Variants in GNG12 observed in about 807,000 individuals in gnomAD.
GNG12 encodes guanine nucleotide-binding protein G(I)/G(S)/G(O) subunit gamma-12.
For synonymous variants in GNG12, 28 were observed against 29.7 expected (o/e 0.94, Z 0.19); for missense variants, 69 against 83.8 (o/e 0.82, Z 0.69).
intron 1 of GNG12, among the ~76,000 whole-genome samples, chr1:67,795,208 C>A (rs190898652): frequency 2.8e-4 from 43 of 152,300 alleles, no homozygotes; most frequent in East Asian, 2.5e-3. Context: ...TAATATCCTG[C>A]AATTTTGACG....
intron 1 of GNG12, among the ~76,000 whole-genome samples, chr1:67,819,721 T>C (rs1557627531): frequency 6.6e-6 from 1 of 152,228 alleles, no homozygotes. Context: ...ATGCATTCAC[T>C]CATTCATTGT....
chr1:67,795,564 C>T (rs777628862), intron 1 of GNG12, among the ~76,000 whole-genome samples: 4 of 152,214 alleles, frequency 2.6e-5, no homozygotes, highest in Non-Finnish European at 4.4e-5. Flanking sequence ...TCTCAGGACT[C>T]TTAATTTAAT....
At chr1:67,789,133 C>T (rs759784225) in intron 1 of GNG12, among the ~76,000 whole-genome samples, 27 of 152,282 alleles carry the variant, frequency 1.8e-4, no homozygotes, top group Non-Finnish European at 3.5e-4. Flanking sequence ...GGCGACATGG[C>T]CTTCGGTCTG....
intron 1 of GNG12, among the ~76,000 whole-genome samples, chr1:67,813,849 G>T (rs188104617): frequency 1.6e-4 from 25 of 152,182 alleles, no homozygotes; most frequent in African/African-American, 6.0e-4. Context: ...AAAATGGCAA[G>T]CATTTATTGA....
chr1:67,774,325 A>G (rs952018685), intron 2 of GNG12, among the ~76,000 whole-genome samples: 1 of 152,170 alleles, frequency 6.6e-6, no homozygotes, highest in Non-Finnish European at 1.5e-5. Flanking sequence ...CCTTCCCCAC[A>G]GATTTCCTCC....
At chr1:67,732,061 C>A (rs1329019281) in intron 2 of GNG12, among the ~76,000 whole-genome samples, 1 of 152,158 alleles carries the variant, frequency 6.6e-6, no homozygotes, top group Non-Finnish European at 1.5e-5. Context: ...AAAAAACACA[C>A]AGGAGTAATA....
chr1:67,813,138 T>C (rs1347636391), intron 1 of GNG12, among the ~76,000 whole-genome samples: 1 of 150,890 alleles, frequency 6.6e-6, no homozygotes, highest in African/African-American at 2.4e-5. Context: ...CTGGGCCCTT[T>C]ATCAAATTAG....
Position 67,728,946 on chromosome 1 carries a change from A to G in GNG12, c.-26-21234T>C, listed in dbSNP as rs138608320. Among the ~76,000 whole-genome samples the G allele has an allele frequency of 5.5e-3, 841 of 152,380 alleles. 5 individuals are homozygous for G. The highest frequency in any genetic ancestry group is 8.4e-3 in the Non-Finnish European group (571 of 68,042). ...GAGAAATACACAGAAAACCTGGAAC[A>G]TAAGTGACAGTTAAGAGGTACCTCT... On this transcript the variant is annotated intron_variant, in intron 2 of 3. Transcript: ENST00000370982.
At chr1:67,711,026 C>G (rs1291479809) in intron 2 of GNG12, among the ~76,000 whole-genome samples, 2 of 152,316 alleles carry the variant, frequency 1.3e-5, no homozygotes, top group African/African-American at 2.4e-5. Flanking sequence ...TCTGCTACCC[C>G]TCTCAGGCTC....
At chr1:67,706,375 G>A (rs1646247456) in intron 3 of GNG12, among the ~76,000 whole-genome samples, 1 of 152,248 alleles carries the variant, frequency 6.6e-6, no homozygotes, top group African/African-American at 2.4e-5. Flanking sequence ...TACTGTTAGA[G>A]ATTGGGCTTG....
At chr1:67,751,102 C>T (rs548653333) in intron 2 of GNG12, among the ~76,000 whole-genome samples, 10 of 152,126 alleles carry the variant, frequency 6.6e-5, no homozygotes, top group African/African-American at 1.9e-4. Flanking sequence ...CAACCATTTA[C>T]ACACATTCAC....
chr1:67,708,883 G>T (rs1219902099), intron 2 of GNG12, among the ~76,000 whole-genome samples: 2 of 152,178 alleles, frequency 1.3e-5, no homozygotes, highest in Admixed American at 1.3e-4. Flanking sequence ...TTTTGGAGAG[G>T]CTACAGCTGA....
Position 67,782,883 on chromosome 1 carries a change from T to C in GNG12, c.-76-5376A>G, listed in dbSNP as rs193118692. Among the ~76,000 whole-genome samples the C allele has an allele frequency of 9.8e-5, 15 of 152,290 alleles. No homozygotes were observed. In the East Asian group the frequency reaches 2.9e-3, roughly 29 times the overall value. On this transcript the variant is annotated intron_variant, in intron 1 of 3. Transcript: ENST00000370982. ...ATTTATTTTTGCATGTTACCTTTGA[T>C]AGAAACATGTGTTTTTATGTTACTA... is the stretch of plus-strand genomic sequence containing the variant.
At chr1:67,707,428 T>A (rs985172807) in intron 3 of GNG12, among the ~76,000 whole-genome samples, 166 bp downstream of exon 3, 2 of 152,172 alleles carry the variant, frequency 1.3e-5, no homozygotes, top group Non-Finnish European at 1.5e-5. Context: ...AGGCCCATGC[T>A]ATATAGGAAA....
At chr1:67,741,783 C>T (rs1646484036) in intron 2 of GNG12, among the ~76,000 whole-genome samples, 1 of 152,158 alleles carries the variant, frequency 6.6e-6, no homozygotes, top group African/African-American at 2.4e-5. Flanking sequence ...TTTTATTTGG[C>T]CTACAGAGAA....
chr1:67,805,558 G>C (rs1363891192), intron 1 of GNG12, among the ~76,000 whole-genome samples: 1 of 152,136 alleles, frequency 6.6e-6, no homozygotes, highest in Non-Finnish European at 1.5e-5. Flanking sequence ...GAACAGGGCT[G>C]AGGAAAGAAT....
At chr1:67,756,565 C>T (rs780904269) in intron 2 of GNG12, among the ~76,000 whole-genome samples, 2 of 152,142 alleles carry the variant, frequency 1.3e-5, no homozygotes, top group Non-Finnish European at 2.9e-5. Flanking sequence ...GTGGGTTTGA[C>T]TTGGAGGCCA....
intron 1 of GNG12, among the ~76,000 whole-genome samples, chr1:67,805,946 A>G (rs1400321118): frequency 6.6e-6 from 1 of 151,838 alleles, no homozygotes; most frequent in African/African-American, 2.4e-5. Flanking sequence ...GGATAAGTAC[A>G]TTGACTTCTC....
At chr1:67,752,052 T>C (rs1464699377) in intron 2 of GNG12, among the ~76,000 whole-genome samples, 1 of 152,230 alleles carries the variant, frequency 6.6e-6, no homozygotes, top group Non-Finnish European at 1.5e-5. Flanking sequence ...CCCTGCCCCA[T>C]AGCACCTCAT....
Sources: gnomAD v4.1 joint callset for allele counts (sites outside exome capture counted in the v4.1 genomes callset) on GRCh38, gnomAD v4.1.1 for gene constraint, MANE v1.5 for transcripts, NCBI Gene and HGNC (gene_info 2026-07-23, HGNC 2026-07-21) for gene names.